COL4A5: variants seen among roughly 807,000 people sequenced by gnomAD.
COL4A5 encodes the protein collagen type IV alpha 5 chain.
Under a neutral mutation model 130.2 loss-of-function variants are expected in COL4A5, and 26 were observed. That is an observed-to-expected ratio of 0.20 (90% CI 0.15 to 0.28). COL4A5 has a LOEUF of 0.28. COL4A5 is among the 10% of genes least tolerant of loss of function. The pLI, the probability that COL4A5 is intolerant of heterozygous loss-of-function variation, is 1.00. For synonymous variants in COL4A5, 496 were observed against 439.6 expected (o/e 1.13, Z -1.60); for missense variants, 1,131 against 1,344.3 (o/e 0.84, Z 2.48).
rs17320366 is a variant in COL4A5, at chrX:108,557,450, A to G, written c.142-1614A>G. ...GAAGTGTAGTAATATGTCAGTAATAATTATTGTCAAAACTACAGGAATGTT... is the reference window on the plus strand; with the variant it reads ...GAAGTGTAGTAATATGTCAGTAATAGTTATTGTCAAAACTACAGGAATGTT... On this transcript the variant is annotated intron_variant, in intron 2 of 52. Coordinates refer to ENST00000328300, the MANE Select transcript of COL4A5 (RefSeq NM_033380.3). 4.9e-3 allele frequency among the ~76,000 whole-genome samples: 551 copies of G among 112,046 alleles called. 3 individuals carry two copies. The highest frequency in any genetic ancestry group is 8.0e-3 in the Non-Finnish European group (428 of 53,211).
At chrX:108,518,985 G>T (rs1314536683) in intron 1 of COL4A5, among the ~76,000 whole-genome samples, 3 of 111,689 alleles carry the variant, frequency 2.7e-5, no homozygotes, top group Non-Finnish European at 5.7e-5. Context: ...TCAAGAAAAC[G>T]ATTCTAGCTC....
At chrX:108,451,180 T>C (rs1338343597) in intron 1 of COL4A5, among the ~76,000 whole-genome samples, 4 of 111,581 alleles carry the variant, frequency 3.6e-5, no homozygotes, top group Non-Finnish European at 7.5e-5. Flanking sequence ...GAACTCATCC[T>C]TTTTTATGGC....
chrX:108,564,998 T>A (rs2065947280), intron 4 of COL4A5, among the ~76,000 whole-genome samples: 1 of 110,563 alleles, frequency 9.0e-6, no homozygotes, highest in Admixed American at 9.6e-5. Flanking sequence ...CTGTTAAAAA[T>A]TGATATCAAT....
chrX:108,651,901 G>A (rs774852978), intron 36 of COL4A5, among the ~76,000 whole-genome samples: 45 of 111,839 alleles, frequency 4.0e-4, no homozygotes, highest in African/African-American at 1.4e-3. Flanking sequence ...ATGCAAATTT[G>A]AAGGTCTTAT....
intron 49 of COL4A5, chrX:108,689,877 T>C (rs1225994794): frequency 4.0e-5 from 30 of 753,986 alleles, no homozygotes; most frequent in Non-Finnish European, 4.4e-5. Flanking sequence ...GCATTGGGAG[T>C]ATATGGGATC....
At chrX:108,640,464 A>G (rs1311017267) in intron 36 of COL4A5, among the ~76,000 whole-genome samples, 1 of 111,281 alleles carries the variant, frequency 9.0e-6, no homozygotes, top group African/African-American at 3.3e-5. Context: ...TAGGGATCAA[A>G]TGTACAGCAT....
At chrX:108,500,363 T>A (rs1317566159) in intron 1 of COL4A5, among the ~76,000 whole-genome samples, 1 of 112,030 alleles carries the variant, frequency 8.9e-6, no homozygotes, top group Non-Finnish European at 1.9e-5. Flanking sequence ...TTTTATTTTT[T>A]TCTTCTTCAA....
intron 36 of COL4A5, among the ~76,000 whole-genome samples, chrX:108,643,850 G>A (rs2067518781): frequency 9.0e-6 from 1 of 111,684 alleles, no homozygotes; most frequent in African/African-American, 3.3e-5. Context: ...AGGTACGCAG[G>A]CAACAAATAG....
intron 2 of COL4A5, among the ~76,000 whole-genome samples, chrX:108,544,787 G>A (rs1226482531): frequency 9.0e-6 from 1 of 111,138 alleles, no homozygotes; most frequent in East Asian, 2.8e-4. Flanking sequence ...CAATTTCAGA[G>A]CCTGTTATTG....
At chrX:108,507,975 C>A (rs1183456778) in intron 1 of COL4A5, among the ~76,000 whole-genome samples, 1 of 111,336 alleles carries the variant, frequency 9.0e-6, no homozygotes, top group Non-Finnish European at 1.9e-5. Flanking sequence ...TGAAAACCAG[C>A]ACAAGGCAAG....
intron 1 of COL4A5, among the ~76,000 whole-genome samples, chrX:108,538,749 C>A (rs2065491232): frequency 8.9e-6 from 1 of 112,201 alleles, no homozygotes; most frequent in Non-Finnish European, 1.9e-5. Context: ...TAAGTAAACA[C>A]TGAGCTATCC....
chrX:108,668,266 G>A, intron 40 of COL4A5, 53 bp from the exon 41 acceptor site: 1 of 1,125,107 alleles, frequency 8.9e-7, no homozygotes, highest in Admixed American at 2.2e-5. Flanking sequence ...AACCTTATAA[G>A]CAAGCTTGTA....
At chrX:108,599,406 T>C (rs2147815126) in intron 25 of COL4A5, among the ~76,000 whole-genome samples, 1 of 111,486 alleles carries the variant, frequency 9.0e-6, no homozygotes, top group African/African-American at 3.2e-5. Context: ...TTCGTGTGGC[T>C]ATAGTGTATT....
intron 1 of COL4A5, among the ~76,000 whole-genome samples, chrX:108,478,367 C>T (rs1757357361): frequency 2.7e-5 from 3 of 111,289 alleles, no homozygotes; most frequent in African/African-American, 9.8e-5. Context: ...GTTGTGGGAA[C>T]AGGAAGCAAA....
intron 6 of COL4A5, among the ~76,000 whole-genome samples, chrX:108,570,351 G>A (rs1247703845): frequency 1.8e-5 from 2 of 111,243 alleles, no homozygotes; most frequent in Non-Finnish European, 3.8e-5. Context: ...ATTTTTGCCA[G>A]TGTGCTTTAA....
chrX:108,640,074 A>G (rs775349383), intron 36 of COL4A5, among the ~76,000 whole-genome samples: 1 of 112,011 alleles, frequency 8.9e-6, no homozygotes, highest in Non-Finnish European at 1.9e-5. Flanking sequence ...TGGGACCTCA[A>G]AGAGATGTTT....
chrX:108,441,015 G>A (rs768190054), intron 1 of COL4A5, among the ~76,000 whole-genome samples: 10 of 111,316 alleles, frequency 9.0e-5, no homozygotes, highest in Non-Finnish European at 1.9e-4. Flanking sequence ...AGTGGGGGAG[G>A]AGGTACATGT....
intron 1 of COL4A5, among the ~76,000 whole-genome samples, chrX:108,539,388 A>G (rs140676035): frequency 1.3e-3 from 145 of 112,013 alleles, no homozygotes; most frequent in Non-Finnish European, 2.1e-3. Flanking sequence ...TCTGTACTTT[A>G]TATGTGAATA....
Position 108,655,434 on chromosome X carries a change from A to G in COL4A5, c.3350A>G (p.Gln1117Arg). The change falls in exon 37 of 53, where the codon CAA (glutamine) becomes CGA (arginine). Residue 1117 changes from glutamine (Q) to arginine (R), a missense_variant. Transcript: ENST00000328300. ...GLPGTPGAKG[Q>R]PGLPGFPGTP... ...CCAGGAACCCCTGGAGCAAAAGGACAACCAGGCCTTCCTGGATTCCCAGGT... is the reference window on the plus strand; with the variant it reads ...CCAGGAACCCCTGGAGCAAAAGGACGACCAGGCCTTCCTGGATTCCCAGGT... The G allele has an allele frequency of 8.3e-7, 1 of 1,211,299 alleles. No individual in the cohort carries two copies. The highest frequency in any genetic ancestry group is 1.7e-5 in the African/African-American group (1 of 57,803).
Sources: gnomAD v4.1 joint callset for allele counts (sites outside exome capture counted in the v4.1 genomes callset) on GRCh38, gnomAD v4.1.1 for gene constraint, MANE v1.5 for transcripts, NCBI Gene and HGNC (gene_info 2026-07-23, HGNC 2026-07-21) for gene names.